DROSHA: variants seen among roughly 807,000 people sequenced by gnomAD.
DROSHA encodes the protein ribonuclease 3.
In DROSHA, 56 loss-of-function variants were observed where a neutral mutation model predicts 181.9. The ratio of observed to expected loss-of-function variants is 0.31; its 90% CI spans 0.25 to 0.38. The LOEUF is 0.38. Among genes scored for constraint, DROSHA ranks in the 10% least tolerant of loss-of-function variants. DROSHA has a pLI of 1.00. For synonymous variants in DROSHA, 524 were observed against 591.2 expected (o/e 0.89, Z 1.65); for missense variants, 1,218 against 1,743.5 (o/e 0.70, Z 5.37).
intron 13 of DROSHA, among the ~76,000 whole-genome samples, chr5:31,488,559 G>A (rs558807062): frequency 2.1e-4 from 32 of 152,310 alleles, no homozygotes; most frequent in African/African-American, 7.7e-4. Context: ...AGATAGAAGT[G>A]CGTGGAGAGA....
rs117784573 is a variant in DROSHA, at chr5:31,444,984, C to T, written c.2882+3563G>A. 5.1e-4 allele frequency among the ~76,000 whole-genome samples: 78 copies of T among 152,308 alleles called. No homozygotes were observed. In the East Asian group the frequency reaches 0.012, roughly 23 times the overall value. On this transcript the variant is annotated intron_variant, in intron 23 of 35. Transcript: ENST00000344624. ...TGAAGGAGATATTGGAAAAGGAAGC[C>T]GTGTCAGCCATTGCTGGCAATTTTT...
chr5:31,421,665 A>G, intron 29 of DROSHA: 1 of 298,882 alleles, frequency 3.3e-6, no homozygotes. Context: ...CATAAATTGA[A>G]AAATCAAGCA....
intron 9 of DROSHA, among the ~76,000 whole-genome samples, chr5:31,510,577 A>G (rs545980836): frequency 1.3e-5 from 2 of 152,372 alleles, no homozygotes; most frequent in Admixed American, 6.5e-5. Context: ...ACATGAAAAA[A>G]TAGACCACCT....
chr5:31,467,128 AAAG>A (rs1749132885), intron 18 of DROSHA: 1 of 151,806 alleles, frequency 6.6e-6, no homozygotes, highest in South Asian at 2.1e-4. Context: ...TGGAGGAAAG[AAAG>A]AAGTACTTAC....
At chr5:31,436,474 C>A (rs1194268499) in intron 24 of DROSHA, among the ~76,000 whole-genome samples, 1 of 151,194 alleles carries the variant, frequency 6.6e-6, no homozygotes, top group East Asian at 2.0e-4. Flanking sequence ...CTCAATGCAA[C>A]CTCCACCTCC....
chr5:31,532,057 G>A lies in DROSHA; in HGVS notation c.-317C>T. ...GCCAGGCTACTACCGCAGGTACCAAGACAGTGGCACCGCCCGCGCCTCCGG... is the reference window on the plus strand; with the variant it reads ...GCCAGGCTACTACCGCAGGTACCAAAACAGTGGCACCGCCCGCGCCTCCGG... On this transcript the variant is annotated 5_prime_UTR_variant, in exon 1 of 36. Transcript: ENST00000344624. 1 of 373,270 alleles carries A rather than the reference G, an allele frequency of 2.7e-6. No individual in the cohort carries two copies. Among genetic ancestry groups the A allele is most frequent in the South Asian group, 2.5e-5 (1 of 40,272 alleles). The allele number at this position is 373,270 out of a possible 1,614,324, so 23.1% of individuals were successfully genotyped here.
intron 10 of DROSHA, among the ~76,000 whole-genome samples, chr5:31,505,097 C>T (rs1737768408): frequency 1.3e-5 from 2 of 152,170 alleles, no homozygotes; most frequent in Non-Finnish European, 2.9e-5. Context: ...GAAAATGCTA[C>T]TAAAGCCAGA....
chr5:31,465,179 T>C lies in DROSHA; in HGVS notation c.2467-836A>G, dbSNP rs184828104. On this transcript the variant is annotated intron_variant, in intron 19 of 35. Coordinates refer to ENST00000344624, the MANE Select transcript of DROSHA (RefSeq NM_001382508.1). ...TGACAAAGCCAGAATTCAAACACTT[T>C]TTCCAGCTTCAAAGCCTTGCTCTTA... Among the ~76,000 whole-genome samples, 13 of 152,312 alleles carry C rather than the reference T, an allele frequency of 8.5e-5. No individual in the cohort carries two copies. In the East Asian group the frequency reaches 1.9e-3, roughly 23 times the overall value.
intron 17 of DROSHA, 102 bp downstream of exon 17, chr5:31,471,961 C>CTTT: frequency 9.0e-7 from 1 of 1,117,210 alleles, no homozygotes; most frequent in Non-Finnish European, 1.2e-6. Flanking sequence ...AGAGCAGTGA[C>CTTT]TACCTAAAAC....
intron 6 of DROSHA, among the ~76,000 whole-genome samples, chr5:31,520,318 T>C (rs540592142): frequency 4.9e-4 from 74 of 152,342 alleles, no homozygotes; most frequent in Middle Eastern, 3.4e-3. Context: ...ACTTTAAAAA[T>C]TGTATTTGCA....
In DROSHA at chr5:31,499,913, C is replaced by A. The variant is rs573751052; in HGVS notation, c.1669-4541G>T. ...AGCCAGAAGAAACTCTCACTACCTA[C>A]AGTGGGAGGTCACAGCAAGGCAGGA... On this transcript the variant is annotated intron_variant, in intron 11 of 35. Transcript: ENST00000344624. 2.6e-4 allele frequency among the ~76,000 whole-genome samples: 39 copies of A among 152,322 alleles called. 1 individual carries two copies. In the South Asian group the frequency reaches 6.6e-3, roughly 26 times the overall value.
intron 23 of DROSHA, among the ~76,000 whole-genome samples, chr5:31,438,659 G>C (rs1198225916): frequency 6.6e-6 from 1 of 152,102 alleles, no homozygotes; most frequent in Non-Finnish European, 1.5e-5. Context: ...ATCCAGTAGA[G>C]TGCTACATAT....
intron 8 of DROSHA, among the ~76,000 whole-genome samples, chr5:31,511,629 G>A (rs1738687976): frequency 6.6e-6 from 1 of 151,900 alleles, no homozygotes; most frequent in Admixed American, 6.6e-5. Flanking sequence ...AAGAGTTGGA[G>A]GATGCAGTGA....
chr5:31,491,118 T>C (rs6865842), intron 13 of DROSHA, among the ~76,000 whole-genome samples: 141,511 of 151,308 alleles, frequency 0.94, 66,641 homozygotes, highest in East Asian at 1. Context: ...AAATTATGTC[T>C]GATTCTCACT....
intron 16 of DROSHA, among the ~76,000 whole-genome samples, chr5:31,479,318 C>A (rs183478438): frequency 2.0e-5 from 3 of 152,272 alleles, no homozygotes; most frequent in East Asian, 3.9e-4. Context: ...TGTATACACA[C>A]ACATACACAC....
chr5:31,423,724 ACTT>A (rs1486288926), intron 28 of DROSHA, among the ~76,000 whole-genome samples: 11 of 152,142 alleles, frequency 7.2e-5, no homozygotes, highest in Non-Finnish European at 8.8e-5. Flanking sequence ...GAGTTCAACC[ACTT>A]CTTACATTTA....
At chr5:31,433,427 C>T (rs1014755232) in intron 25 of DROSHA, among the ~76,000 whole-genome samples, 1 of 151,544 alleles carries the variant, frequency 6.6e-6, no homozygotes, top group African/African-American at 2.4e-5. Flanking sequence ...AAGCAGACCG[C>T]AAGCCATATT....
At chr5:31,486,617 T>C (rs1026256270) in intron 13 of DROSHA, 55 bp from the exon 14 acceptor site, 3 of 1,524,434 alleles carry the variant, frequency 2.0e-6, no homozygotes, top group Non-Finnish European at 2.7e-6. Context: ...CAGGCTCATA[T>C]TATACACGTT....
chr5:31,527,065 C>G (rs554424092), intron 4 of DROSHA, among the ~76,000 whole-genome samples, 153 bp from the exon 5 acceptor site: 3 of 152,268 alleles, frequency 2.0e-5, no homozygotes, highest in Admixed American at 1.3e-4. Context: ...ATACTGGGTT[C>G]CTGCTAACAT....
Sources: allele counts gnomAD v4.1 joint callset (sites outside exome capture counted in the v4.1 genomes callset), GRCh38; gene constraint gnomAD v4.1.1; transcripts MANE v1.5; gene names NCBI Gene and HGNC (gene_info 2026-07-23, HGNC 2026-07-21).